The following AGBL4 variants were observed in gnomAD, a reference collection of about 807,000 sequenced individuals.
AGBL4 encodes cytosolic carboxypeptidase 6.
Under a neutral mutation model 66.4 loss-of-function variants are expected in AGBL4, and 58 were observed. The ratio of observed to expected loss-of-function variants is 0.87; its 90% CI spans 0.71 to 1.09. The LOEUF (loss-of-function observed/expected upper bound fraction) is 1.09. AGBL4 is among the 50% of genes least tolerant of loss of function. The pLI, the probability that AGBL4 is intolerant of heterozygous loss-of-function variation, is 0.00. For synonymous variants in AGBL4, 234 were observed against 222.9 expected, an observed-to-expected ratio of 1.05 and a Z score of -0.44; for missense variants, 579 against 631.0, an observed-to-expected ratio of 0.92 and a Z score of 0.88.
At position 49,627,572 on chromosome 1, in the gene AGBL4, C is replaced by T. The variant is rs180848269; in HGVS notation, c.282+69741G>A. ...ACCTCAGGCTATGTTTTATTTCATA[C>T]AAAGTAGATATAGCCAGGCATACCA... On this transcript the variant is annotated intron_variant, in intron 3 of 13. Transcript: ENST00000371839. Among the ~76,000 whole-genome samples, 446 of 152,260 alleles carry T rather than the reference C, an allele frequency of 2.9e-3. 1 individual carries two copies. The highest frequency in any genetic ancestry group is 9.8e-3 in the African/African-American group (408 of 41,546).
chr1:49,739,018 G>A (rs750870787), intron 2 of AGBL4, among the ~76,000 whole-genome samples: 2 of 152,212 alleles, frequency 1.3e-5, no homozygotes, highest in African/African-American at 4.8e-5. Flanking sequence ...CCAAAGGAAC[G>A]CAGTTCCTCA....
intron 3 of AGBL4, among the ~76,000 whole-genome samples, chr1:49,515,199 C>G (rs1212385916): frequency 5.3e-5 from 8 of 152,010 alleles, no homozygotes; most frequent in East Asian, 1.9e-4. Flanking sequence ...AAGAAGAAAA[C>G]AAACAACCCT....
chr1:49,486,299 T>TA (rs1647065474), intron 3 of AGBL4, among the ~76,000 whole-genome samples: 1 of 152,042 alleles, frequency 6.6e-6, no homozygotes, highest in African/African-American at 2.4e-5. Context: ...ATCATATGTA[T>TA]TGTTCTTTTA....
At chr1:49,418,623 A>T (rs1645479292) in intron 3 of AGBL4, among the ~76,000 whole-genome samples, 1 of 152,194 alleles carries the variant, frequency 6.6e-6, no homozygotes, top group Non-Finnish European at 1.5e-5. Flanking sequence ...ACTGGATGAA[A>T]GTAGGAAATA....
chr1:49,769,921 A>AT (rs1644006212), intron 2 of AGBL4, among the ~76,000 whole-genome samples: 1 of 152,238 alleles, frequency 6.6e-6, no homozygotes, highest in Non-Finnish European at 1.5e-5. Context: ...TTCATGACTA[A>AT]TTCATCAAAA....
chr1:49,885,546 C>T (rs1397787113), intron 1 of AGBL4, among the ~76,000 whole-genome samples: 1 of 151,990 alleles, frequency 6.6e-6, no homozygotes, highest in Non-Finnish European at 1.5e-5. Flanking sequence ...CTAATTCTCC[C>T]TAGTCACATA....
intron 3 of AGBL4, among the ~76,000 whole-genome samples, chr1:49,304,774 T>C (rs1365474393): frequency 6.6e-6 from 1 of 152,206 alleles, no homozygotes; most frequent in Non-Finnish European, 1.5e-5. Context: ...TTTTCAACAA[T>C]GGACTTCACT....
At chr1:49,869,904 C>A (rs1242160413) in intron 1 of AGBL4, among the ~76,000 whole-genome samples, 1 of 151,964 alleles carries the variant, frequency 6.6e-6, no homozygotes, top group African/African-American at 2.4e-5. Context: ...CATGGTAGGG[C>A]AACTGTAGTT....
chr1:48,921,295 C>T (rs1203578893), intron 5 of AGBL4, among the ~76,000 whole-genome samples: 1 of 152,158 alleles, frequency 6.6e-6, no homozygotes, highest in Non-Finnish European at 1.5e-5. Flanking sequence ...AGCAAATGTA[C>T]TCAGGATGAC....
In AGBL4 at chr1:48,534,958, C is replaced by T. The variant is rs764035145; in HGVS notation, c.1365-42G>A. The T allele has an allele frequency of 5.2e-6, 8 of 1,539,156 alleles. No individual in the cohort carries two copies. In the Admixed American group the frequency reaches 1.2e-4, roughly 23 times the overall value. The stretch of plus-strand genomic sequence containing the variant: ...ATTCATGTCCTTCCTGCCTCTTAGG[C>T]TCTAGTAAATGGAAGTTGAAGAGGT... On this transcript the variant is annotated intron_variant, in intron 12 of 13. Coordinates refer to ENST00000371839, the MANE Select transcript of AGBL4 (RefSeq NM_032785.4).
intron 1 of AGBL4, among the ~76,000 whole-genome samples, chr1:50,015,078 G>A (rs1661877778): frequency 1.3e-5 from 2 of 152,190 alleles, no homozygotes; most frequent in Admixed American, 1.3e-4. Context: ...CCACAAGTTT[G>A]TGATGCACAT....
intron 3 of AGBL4, among the ~76,000 whole-genome samples, chr1:49,630,240 G>T (rs1645545131): frequency 6.6e-6 from 1 of 152,154 alleles, no homozygotes; most frequent in Admixed American, 6.5e-5. Flanking sequence ...TGGCCATCAG[G>T]AATACACAGT....
chr1:49,482,560 AT>A (rs34117914), intron 3 of AGBL4, among the ~76,000 whole-genome samples: 90,779 of 149,872 alleles, frequency 0.61, 28,024 homozygotes, highest in Non-Finnish European at 0.67. Flanking sequence ...TATCTACTTT[AT>A]TTTTTTTTTA....
intron 6 of AGBL4, among the ~76,000 whole-genome samples, chr1:48,779,948 A>T (rs1301035609): frequency 6.6e-6 from 1 of 152,052 alleles, no homozygotes; most frequent in Non-Finnish European, 1.5e-5. Context: ...TCCTGACCTC[A>T]GGCAATCCAC....
At chr1:48,963,427 T>C (rs1163386881) in intron 5 of AGBL4, among the ~76,000 whole-genome samples, 1 of 152,098 alleles carries the variant, frequency 6.6e-6, no homozygotes, top group East Asian at 1.9e-4. Context: ...ACTGCCAATA[T>C]AAGCTTCAAA....
chr1:48,753,917 T>A (rs1487307116), intron 6 of AGBL4, among the ~76,000 whole-genome samples: 1 of 152,202 alleles, frequency 6.6e-6, no homozygotes, highest in Non-Finnish European at 1.5e-5. Context: ...AAAACCATCA[T>A]CTGCCTCCCT....
intron 2 of AGBL4, among the ~76,000 whole-genome samples, chr1:49,756,978 G>C (rs972152877): frequency 6.6e-6 from 1 of 152,168 alleles, no homozygotes; most frequent in African/African-American, 2.4e-5. Flanking sequence ...TGGATTGGCT[G>C]TGTTCCCACC....
intron 3 of AGBL4, among the ~76,000 whole-genome samples, chr1:49,531,575 T>C (rs1444024480): frequency 6.6e-6 from 1 of 152,132 alleles, no homozygotes; most frequent in Non-Finnish European, 1.5e-5. Context: ...GACTATTTAG[T>C]AATAGGTATT....
intron 6 of AGBL4, among the ~76,000 whole-genome samples, chr1:48,718,926 C>T (rs893746949): frequency 1.2e-4 from 18 of 152,136 alleles, no homozygotes; most frequent in Admixed American, 4.6e-4. Context: ...ACATACCTGC[C>T]GTGGGATGGG....
Sources: gnomAD v4.1 joint callset for allele counts (sites outside exome capture counted in the v4.1 genomes callset) on GRCh38, gnomAD v4.1.1 for gene constraint, MANE v1.5 for transcripts, NCBI Gene and HGNC (gene_info 2026-07-23, HGNC 2026-07-21) for gene names.